USP40: variants seen among roughly 807,000 people sequenced by gnomAD.
The protein encoded by USP40 is ubiquitin carboxyl-terminal hydrolase 40.
A neutral mutation model predicts 166.2 loss-of-function variants in USP40; 143 were observed. The ratio of observed to expected loss-of-function variants is 0.86; its 90% CI spans 0.75 to 0.99. The LOEUF (loss-of-function observed/expected upper bound fraction) is 0.99, where lower values mean the gene tolerates loss of function less well. Among genes scored for constraint, USP40 ranks in the 50% least tolerant of loss-of-function variants. The pLI is 0.00. For synonymous variants in USP40, 498 were observed against 524.0 expected (o/e 0.95, Z 0.68); for missense variants, 1,444 against 1,479.7 (o/e 0.98, Z 0.40).
Position 233,481,283 on chromosome 2 carries a change from GTCAATCAGGAGATTCTACA to G in USP40, c.3505-5_3518del. The G allele has an allele frequency of 6.2e-7, 1 of 1,601,564 alleles. No individual in the cohort carries two copies. Among genetic ancestry groups the G allele is most frequent in the Non-Finnish European group, 8.5e-7 (1 of 1,173,486 alleles). ...TGATTGTACTGAAATCATCATCGTCGTCAATCAGGAGATTCTACATTTCAAAAGAAGTAATGAGCAGTGT... is the reference window on the plus strand; with the variant it reads ...TGATTGTACTGAAATCATCATCGTCGTTTCAAAAGAAGTAATGAGCAGTGT... On this transcript the variant is annotated splice_acceptor_variant and splice_polypyrimidine_tract_variant and coding_sequence_variant and intron_variant, in exon 31 of 32. Coordinates refer to ENST00000678225, the MANE Select transcript of USP40 (RefSeq NM_001365479.2). LOFTEE classifies it high-confidence loss of function.
At chr2:233,535,147 C>A (rs2068845882) in intron 10 of USP40, among the ~76,000 whole-genome samples, 1 of 152,060 alleles carries the variant, frequency 6.6e-6, no homozygotes, top group South Asian at 2.1e-4. Context: ...GAGGCGAGAT[C>A]CCACGAAGGA....
At chr2:233,491,306 ATTTT>A (rs1425110645) in intron 25 of USP40, 45 bp from the exon 26 acceptor site, 1 of 1,375,472 alleles carries the variant, frequency 7.3e-7, no homozygotes, top group Non-Finnish European at 1.0e-6. Context: ...CTTGAAACTT[ATTTT>A]GTGTTTCTGA....
intron 19 of USP40, 149 bp from the exon 20 acceptor site, chr2:233,511,946 T>C (rs1202674843): frequency 3.3e-6 from 2 of 602,130 alleles, no homozygotes; most frequent in Non-Finnish European, 5.6e-6. Flanking sequence ...TTACATGCAC[T>C]AAGATTAGGT....
At chr2:233,478,703 C>A (rs568291713) in intron 31 of USP40, among the ~76,000 whole-genome samples, 46 of 152,262 alleles carry the variant, frequency 3.0e-4, no homozygotes, top group Admixed American at 2.7e-3. Flanking sequence ...GCATAAGTCA[C>A]CTAAGCTGTG....
Position 233,509,543 on chromosome 2 carries a change from T to C in USP40, c.2613+506A>G, listed in dbSNP as rs2066652560. On this transcript the variant is annotated intron_variant, in intron 21 of 31. Transcript: ENST00000678225. Reference sequence around the variant, plus strand: ...GAAAGAAAAAAATTGTAATCTTATTTAAAATTTCCAGTTGAGGCCGAGTGG... The same window carrying C: ...GAAAGAAAAAAATTGTAATCTTATTCAAAATTTCCAGTTGAGGCCGAGTGG... Among the ~76,000 whole-genome samples the C allele has an allele frequency of 1.3e-5, 2 of 152,076 alleles. 1 individual carries two copies. The highest frequency in any genetic ancestry group is 4.8e-5 in the African/African-American group (2 of 41,406).
rs369243255 is a variant in USP40 at position 233,486,028 on chromosome 2, C to T, written c.3198-51G>A. ...AGATCCAAACAAACAAACAAAACCA[C>T]GTGGTAACTTGAGGCATAATGGGCA... On this transcript the variant is annotated intron_variant, in intron 28 of 31. Transcript: ENST00000678225. This position sits in a 1 kb window ranked among gnomAD's most constrained non-coding sequence, Gnocchi z 4.0. 11 of 1,520,320 alleles carry T rather than the reference C, an allele frequency of 7.2e-6. No individual in the cohort carries two copies. Among genetic ancestry groups the T allele is most frequent in the African/African-American group, 5.6e-5 (4 of 71,298 alleles). The allele number at this position is 1,520,320 out of a possible 1,614,324, so 94.2% of individuals were successfully genotyped here. A position where few individuals can be genotyped will look rare whatever the true frequency, so the allele number is the denominator to read the frequency against.
At position 233,566,710 on chromosome 2, in the gene USP40, G is replaced by C. The variant is rs2072194344; in HGVS notation, c.-46C>G. On this transcript the variant is annotated 5_prime_UTR_variant, in exon 1 of 32. Coordinates refer to ENST00000678225, the MANE Select transcript of USP40 (RefSeq NM_001365479.2). ...GCCTAAAGCCCAGACCCCCGCCCTG[G>C]CCAAAACGCGAAGCGAACGAACCCG... 4 of 986,018 alleles carry C rather than the reference G, an allele frequency of 4.1e-6. No individual in the cohort carries two copies. The South Asian group carries it at 1.9e-4, about 46-fold the overall frequency. 61.1% of individuals were successfully genotyped at this position (986,018 alleles called of 1,614,324 possible). A position where few individuals can be genotyped will look rare whatever the true frequency, so the allele number is the denominator to read the frequency against.
chr2:233,559,835 G>T lies in USP40; in HGVS notation c.357C>A (p.Asp119Glu). 2 of 1,609,454 alleles carry T rather than the reference G, an allele frequency of 1.2e-6. No homozygotes were observed. Among genetic ancestry groups the T allele is most frequent in the East Asian group, 4.5e-5 (2 of 44,840 alleles). ...CCTCATTACTGGTCCACCCAAAGCT[G>T]TCAGTGAGGTCTGCTGTGGATGCAG... ...QEAASTADLTDSFGWTSNEEM... is the reference protein window; with the variant it reads ...QEAASTADLTESFGWTSNEEM... Residue 119 changes from aspartate (D) to glutamate (E), a missense_variant, in exon 4 of 32, where the codon GAC becomes GAA. Transcript: ENST00000678225.
At chr2:233,481,348 T>C in intron 30 of USP40, 51 bp from the exon 31 acceptor site, 1 of 1,507,276 alleles carries the variant, frequency 6.6e-7, no homozygotes. Flanking sequence ...CTTTTTAGCC[T>C]ACATTTAAAA....
intron 24 of USP40, among the ~76,000 whole-genome samples, chr2:233,494,958 A>T (rs1489255040): frequency 8.4e-4 from 43 of 51,268 alleles, no homozygotes; most frequent in Middle Eastern, 0.014. Flanking sequence ...ATATATATTT[A>T]TATATATATA....
Position 233,493,351 on chromosome 2 carries a change from A to C in USP40, c.2917+74T>G, listed in dbSNP as rs1471266377. On this transcript the variant is annotated intron_variant, in intron 25 of 31. Transcript: ENST00000678225. The surrounding 1 kb of genome is among the most constrained non-coding windows in gnomAD (Gnocchi z 4.7). ...GTTTTAAAAATAAATATATCAATTG[A>C]CTCTCAGAGCACAGGCAGTCAATTT... 3 of 1,594,902 alleles carry C rather than the reference A, an allele frequency of 1.9e-6. No individual in the cohort carries two copies. Among genetic ancestry groups the C allele is most frequent in the Non-Finnish European group, 2.6e-6 (3 of 1,164,814 alleles).
At chr2:233,558,841 T>C (rs1228698808) in intron 4 of USP40, among the ~76,000 whole-genome samples, 1 of 152,196 alleles carries the variant, frequency 6.6e-6, no homozygotes, top group Non-Finnish European at 1.5e-5. Context: ...ATACCAGCCC[T>C]ACACCAGAAA....
In USP40 at chr2:233,516,472, C is replaced by A. The variant is rs867215731; in HGVS notation, c.2383+3142G>T. ...CAGCACTTTGGAAGGCCTAGGCGGGCGGATCACGAGGTCAGCAGATCAAGA... is the reference window on the plus strand; with the variant it reads ...CAGCACTTTGGAAGGCCTAGGCGGGAGGATCACGAGGTCAGCAGATCAAGA... On this transcript the variant is annotated intron_variant, in intron 18 of 31. Transcript: ENST00000678225. Among the ~76,000 whole-genome samples the A allele has an allele frequency of 2.0e-5, 3 of 152,098 alleles. No homozygotes were observed. The East Asian group carries it at 5.8e-4, about 29-fold the overall frequency.
At chr2:233,559,261 G>C (rs945723881) in intron 4 of USP40, among the ~76,000 whole-genome samples, 7 of 152,150 alleles carry the variant, frequency 4.6e-5, no homozygotes, top group African/African-American at 1.7e-4. Flanking sequence ...GATTCATAAA[G>C]AAAATGGAGA....
intron 31 of USP40, among the ~76,000 whole-genome samples, chr2:233,478,820 AGAAAG>A (rs58330198): frequency 0.014 from 2,089 of 152,228 alleles, 42 homozygotes; most frequent in African/African-American, 0.048. Flanking sequence ...TGGTCAAAAG[AGAAAG>A]GAAAGCTTCT....
chr2:233,483,639 G>C (rs1369280465), intron 30 of USP40, among the ~76,000 whole-genome samples: 1 of 152,074 alleles, frequency 6.6e-6, no homozygotes, highest in African/African-American at 2.4e-5. Flanking sequence ...GGTTTTATGG[G>C]GCCTGACGCT....
In USP40 at chr2:233,527,439, TTTTTC is replaced by T. The variant is rs2068114378; in HGVS notation, c.1688_1692del (p.Arg563AsnfsTer23). 2 of 1,613,262 alleles carry T rather than the reference TTTTTC, an allele frequency of 1.2e-6. No homozygotes were observed. Among genetic ancestry groups the T allele is most frequent in the South Asian group, 1.1e-5 (1 of 91,022 alleles). On this transcript the variant is annotated frameshift_variant, in exon 13 of 32. Coordinates refer to ENST00000678225, the MANE Select transcript of USP40 (RefSeq NM_001365479.2). LOFTEE classifies it high-confidence loss of function. ...ATTGACTGCCGGAGATCTCCTAAAGTTTTTCTTTTATCAAAGGTCAAATCCCACAC... is the reference window on the plus strand; with the variant it reads ...ATTGACTGCCGGAGATCTCCTAAAGTTTTTATCAAAGGTCAAATCCCACAC...
Position 233,510,144 on chromosome 2 carries a change from A to G in USP40, c.2527-9T>C. On this transcript the variant is annotated splice_polypyrimidine_tract_variant and intron_variant, in intron 20 of 31. Transcript: ENST00000678225. ...GCAAAAAACAGGAACAACTAATAAC[A>G]AGACAGATGTGTAAATGCAATTTAA... 6.3e-7 allele frequency: 1 copy of G among 1,577,904 alleles called. No homozygotes were observed. Among genetic ancestry groups the G allele is most frequent in the Non-Finnish European group, 8.7e-7 (1 of 1,154,790 alleles).
chr2:233,487,050 A>C (rs2064994465), intron 28 of USP40, among the ~76,000 whole-genome samples: 1 of 152,226 alleles, frequency 6.6e-6, no homozygotes, highest in Admixed American at 6.5e-5. Flanking sequence ...GCTGCTCTTC[A>C]AAAGGGCAAA....
Sources: gnomAD v4.1 joint callset for allele counts (sites outside exome capture counted in the v4.1 genomes callset) on GRCh38, gnomAD v4.1.1 for gene constraint, Gnocchi (gnomAD v3.1) non-coding constraint, MANE v1.5 for transcripts, NCBI Gene and HGNC (gene_info 2026-07-23, HGNC 2026-07-21) for gene names.